Variants in RELL1 observed in about 807,000 individuals in gnomAD.
RELL1 encodes the protein RELT like 1, also known as RELT-like protein 1.
In RELL1, 10 loss-of-function variants were observed where a neutral mutation model predicts 23.0. The observed-to-expected ratio is 0.43, with a 90% CI of 0.27 to 0.74. The LOEUF is 0.74. Among genes scored for constraint, RELL1 ranks in the 30% least tolerant of loss-of-function variants. RELL1 has a pLI of 0.19. For synonymous variants in RELL1, 146 were observed against 146.8 expected, an observed-to-expected ratio of 0.99 and a Z score of 0.04; for missense variants, 315 against 364.4, an observed-to-expected ratio of 0.86 and a Z score of 1.10.
intron 3 of RELL1, among the ~76,000 whole-genome samples, chr4:37,645,905 A>G (rs1243435220): frequency 2.6e-5 from 4 of 152,228 alleles, no homozygotes; most frequent in Non-Finnish European, 5.9e-5. Flanking sequence ...ACTGACAAAC[A>G]GGCTGGGCAG....
intron 1 of RELL1, among the ~76,000 whole-genome samples, chr4:37,675,015 A>G (rs1380758132): frequency 6.6e-6 from 1 of 152,176 alleles, no homozygotes; most frequent in African/African-American, 2.4e-5. Flanking sequence ...ATTGAAATTG[A>G]TATGTTGTAT....
At chr4:37,605,803 G>GA (rs756093302), downstream of RELL1, among the ~76,000 whole-genome samples, 2 of 92,092 alleles carry the variant, frequency 2.2e-5, no homozygotes, top group Admixed American at 2.2e-4. Flanking sequence ...GAGAAAGAAA[G>GA]AAAGAAAGAA....
intron 3 of RELL1, among the ~76,000 whole-genome samples, chr4:37,645,150 C>T (rs948004860): frequency 5.3e-5 from 8 of 152,284 alleles, no homozygotes; most frequent in African/African-American, 1.9e-4. Flanking sequence ...TTACTTATTT[C>T]GACTGATTCA....
intron 6 of RELL1, among the ~76,000 whole-genome samples, chr4:37,622,012 T>G (rs928458672): frequency 1.3e-5 from 2 of 152,204 alleles, no homozygotes; most frequent in Non-Finnish European, 2.9e-5. Context: ...TGGCCATAAA[T>G]GTACTGGAGC....
chr4:37,670,350 G>C (rs1721794207), intron 1 of RELL1, among the ~76,000 whole-genome samples: 1 of 152,024 alleles, frequency 6.6e-6, no homozygotes, highest in Non-Finnish European at 1.5e-5. Flanking sequence ...AAATCCCTTA[G>C]TAAAGAGACT....
chr4:37,668,606 T>C (rs935305036), intron 1 of RELL1, among the ~76,000 whole-genome samples: 66 of 152,186 alleles, frequency 4.3e-4, no homozygotes, highest in African/African-American at 1.5e-3. Context: ...CCTCCCAAAG[T>C]GGCGAGATTG....
chr4:37,594,911 G>C (rs62299701), intron 6 of RELL1, among the ~76,000 whole-genome samples: 4,995 of 152,300 alleles, frequency 0.033, 120 homozygotes, highest in Non-Finnish European at 0.051. Flanking sequence ...GTGCAACCAT[G>C]CAGCAGATAG....
intron 6 of RELL1, among the ~76,000 whole-genome samples, chr4:37,593,583 G>C (rs1280239242): frequency 6.6e-6 from 1 of 152,146 alleles, no homozygotes; most frequent in Non-Finnish European, 1.5e-5. Flanking sequence ...TCAAAATCTG[G>C]TCACTTGGCC....
intron 3 of RELL1, among the ~76,000 whole-genome samples, chr4:37,644,961 G>A (rs935609609): frequency 6.6e-6 from 1 of 152,022 alleles, no homozygotes; most frequent in Non-Finnish European, 1.5e-5. Context: ...ACTTTCCAGC[G>A]GTGCAACACT....
At chr4:37,638,218 G>T (rs1430921910) in intron 4 of RELL1, among the ~76,000 whole-genome samples, 1 of 152,206 alleles carries the variant, frequency 6.6e-6, no homozygotes. Context: ...CACCTTGGGA[G>T]GGTGGGGGCA....
intron 1 of RELL1, among the ~76,000 whole-genome samples, chr4:37,657,463 G>C (rs569759640): frequency 7.2e-5 from 11 of 152,226 alleles, no homozygotes; most frequent in African/African-American, 2.7e-4. Flanking sequence ...TTTATATGTA[G>C]AAGGGAAGGA....
At chr4:37,600,291 A>G (rs919952276) in intron 6 of RELL1, among the ~76,000 whole-genome samples, 1 of 144,592 alleles carries the variant, frequency 6.9e-6, no homozygotes, top group Non-Finnish European at 1.5e-5. Context: ...AAAAAAAAAA[A>G]GTTAGATGTA....
At chr4:37,651,884 G>A (rs7690570) in intron 1 of RELL1, among the ~76,000 whole-genome samples, 84,168 of 151,872 alleles carry the variant, frequency 0.55, 24,352 homozygotes, top group Middle Eastern at 0.67. Flanking sequence ...TCACCCTTCA[G>A]TGTGTCGTGT....
intron 2 of RELL1, 51 bp downstream of exon 2, chr4:37,649,225 T>C (rs770885215): frequency 7.1e-6 from 10 of 1,412,242 alleles, no homozygotes; most frequent in Admixed American, 3.6e-5. Flanking sequence ...ACTGGTTTCA[T>C]ATTTAAAAAC....
At chr4:37,639,122 C>T (rs183413947) in intron 3 of RELL1, among the ~76,000 whole-genome samples, 146 of 152,230 alleles carry the variant, frequency 9.6e-4, no homozygotes, top group Admixed American at 3.9e-3. Context: ...CTGTGGCTCA[C>T]GCCTGTAATC....
At chr4:37,587,662 T>G (rs1248659440), downstream of RELL1, among the ~76,000 whole-genome samples, 1 of 152,196 alleles carries the variant, frequency 6.6e-6, no homozygotes, top group East Asian at 1.9e-4. Context: ...AGATTCTGTT[T>G]TGGCTTGTCT....
chr4:37,599,994 G>A (rs997394203), intron 6 of RELL1, among the ~76,000 whole-genome samples: 1 of 152,230 alleles, frequency 6.6e-6, no homozygotes, highest in African/African-American at 2.4e-5. Flanking sequence ...TTTTGTCCGA[G>A]TACAGTGGCT....
intron 1 of RELL1, among the ~76,000 whole-genome samples, chr4:37,669,405 A>G (rs1380433053): frequency 1.6e-5 from 2 of 124,210 alleles, no homozygotes; most frequent in East Asian, 2.7e-4. Context: ...TCCGGGAGGG[A>G]GGTGGGGGGG....
At chr4:37,637,469 G>T (rs1720371422) in intron 4 of RELL1, among the ~76,000 whole-genome samples, 1 of 152,172 alleles carries the variant, frequency 6.6e-6, no homozygotes, top group African/African-American at 2.4e-5. Context: ...CTTTTCTTCT[G>T]GCCCTTCTTC....
Sources: gnomAD v4.1 joint callset for allele counts (sites outside exome capture counted in the v4.1 genomes callset) on GRCh38, gnomAD v4.1.1 for gene constraint, MANE v1.5 for transcripts, NCBI Gene and HGNC (gene_info 2026-07-23, HGNC 2026-07-21) for gene names.